The following MAP3K5 variants were observed in gnomAD, a reference collection of about 807,000 sequenced individuals.
MAP3K5 encodes mitogen-activated protein kinase kinase kinase 5, also known as ASK-1.
A neutral mutation model predicts 158.7 loss-of-function variants in MAP3K5; 56 were observed. That is an observed-to-expected ratio of 0.35 (90% confidence interval 0.28 to 0.44). MAP3K5 has a LOEUF of 0.44. MAP3K5 is among the 20% of genes least tolerant of loss of function. MAP3K5 has a pLI of 1.00. For missense variants in MAP3K5, 1,294 were observed against 1,674.8 expected (o/e 0.77, Z 3.97); for synonymous variants, 579 against 601.7 (o/e 0.96, Z 0.55).
In MAP3K5 at chr6:136,609,982, G is replaced by A. The variant is rs1490826148; in HGVS notation, c.2521+1300C>T. Among the ~76,000 whole-genome samples, 4 of 151,990 alleles carry A rather than the reference G, an allele frequency of 2.6e-5. No individual in the cohort carries two copies. The highest frequency in any genetic ancestry group is 5.9e-5 in the Non-Finnish European group (4 of 67,994). On this transcript the variant is annotated intron_variant, in intron 18 of 29. Transcript: ENST00000359015. The surrounding 1 kb of genome is among the most constrained non-coding windows in gnomAD (Gnocchi z 4.4). ...TGAGTTCTATCCGGTACACACTGCT[G>A]TGACTTCTGACTGCAATGTCACTTC...
chr6:136,642,357 T>C (rs1334136852), intron 12 of MAP3K5, among the ~76,000 whole-genome samples, 163 bp downstream of exon 12: 1 of 152,166 alleles, frequency 6.6e-6, no homozygotes, highest in African/African-American at 2.4e-5. Flanking sequence ...GCAAATCTCT[T>C]CCTAAAGGAG....
Position 136,660,634 on chromosome 6 carries a change from A to T in MAP3K5, c.1367-1256T>A, listed in dbSNP as rs575035602. On this transcript the variant is annotated intron_variant, in intron 8 of 29. Coordinates refer to ENST00000359015, the MANE Select transcript of MAP3K5 (RefSeq NM_005923.4). ...TTATAAGTATTTGTTTGCTTAAAAA[A>T]ATATATCCTTGTAGCATTGTTTGGT... Among the ~76,000 whole-genome samples, 5 of 152,354 alleles carry T rather than the reference A, an allele frequency of 3.3e-5. No individual in the cohort carries two copies. In the East Asian group the frequency reaches 7.7e-4, roughly 24 times the overall value.
At chr6:136,760,702 G>A (rs867374698) in intron 1 of MAP3K5, among the ~76,000 whole-genome samples, 2 of 152,214 alleles carry the variant, frequency 1.3e-5, no homozygotes, top group African/African-American at 4.8e-5. Context: ...AGGCACTGTG[G>A]CTCACGCCTG....
At chr6:136,560,077 C>CAAATT (rs57967649) in intron 28 of MAP3K5, among the ~76,000 whole-genome samples, 31,198 of 151,892 alleles carry the variant, frequency 0.21, 3,735 homozygotes, top group East Asian at 0.37. Context: ...AAATATAAAA[C>CAAATT]AAAACAATAT....
chr6:136,744,021 T>C (rs1782825879), intron 1 of MAP3K5, among the ~76,000 whole-genome samples: 1 of 152,134 alleles, frequency 6.6e-6, no homozygotes, highest in African/African-American at 2.4e-5. Context: ...GAGGGATGAA[T>C]AGGCAGAGAA....
chr6:136,683,091 C>T (rs1408206420), intron 7 of MAP3K5, among the ~76,000 whole-genome samples: 2 of 152,128 alleles, frequency 1.3e-5, no homozygotes, highest in East Asian at 3.9e-4. Context: ...GATGTATTAA[C>T]ACCAAGGATA....
chr6:136,649,358 G>T (rs1038284907), intron 11 of MAP3K5, among the ~76,000 whole-genome samples: 1 of 152,176 alleles, frequency 6.6e-6, no homozygotes, highest in Non-Finnish European at 1.5e-5. Context: ...GCATCCCCAG[G>T]AACCAGCTTA....
intron 1 of MAP3K5, among the ~76,000 whole-genome samples, chr6:136,757,617 C>T (rs1270658336): frequency 2.4e-4 from 28 of 115,268 alleles, no homozygotes; most frequent in South Asian, 2.4e-3. Flanking sequence ...GACGGAGTTT[C>T]GCTCTTGCTG....
chr6:136,719,605 T>C (rs1781667579), intron 2 of MAP3K5, among the ~76,000 whole-genome samples: 1 of 152,244 alleles, frequency 6.6e-6, no homozygotes, highest in East Asian at 1.9e-4. Flanking sequence ...ACTGACTTTT[T>C]TGCATGAAAT....
At chr6:136,559,113 G>T (rs1352002160) in intron 28 of MAP3K5, among the ~76,000 whole-genome samples, 1 of 152,232 alleles carries the variant, frequency 6.6e-6, no homozygotes, top group Non-Finnish European at 1.5e-5. Flanking sequence ...CACTTTAGGA[G>T]GCTGAGGCAG....
At chr6:136,737,558 G>C (rs559540169) in intron 1 of MAP3K5, among the ~76,000 whole-genome samples, 28 of 152,274 alleles carry the variant, frequency 1.8e-4, no homozygotes, top group African/African-American at 6.3e-4. Flanking sequence ...GTCCCTCCAA[G>C]GAGCCCTTTG....
intron 26 of MAP3K5, among the ~76,000 whole-genome samples, chr6:136,563,190 C>A (rs1830594558): frequency 6.6e-6 from 1 of 152,072 alleles, no homozygotes; most frequent in African/African-American, 2.4e-5. Context: ...GAATTCAAAA[C>A]CTCCACCACA....
chr6:136,698,643 T>C lies in MAP3K5; in HGVS notation c.652A>G (p.Thr218Ala), dbSNP rs1780711540. 6.2e-7 allele frequency: 1 copy of C among 1,613,730 alleles called. No homozygotes were observed. The highest frequency in any genetic ancestry group is 8.5e-7 in the Non-Finnish European group (1 of 1,179,924). ...CAGCAGTAGACTTTGTTATGTGGAG[T>C]TATCATGTAAGGAACAAAGGTGTAG... ...GNYTFVPYMI[T>A]PHNKVYCCDS... Residue 218 changes from threonine (T) to alanine (A), a missense_variant, in exon 4 of 30, where the codon ACT becomes GCT. By Grantham distance (58) the Thr-to-Ala change is moderately conservative (BLOSUM62 0). Transcript: ENST00000359015.
At chr6:136,761,796 G>A (rs896478667) in intron 1 of MAP3K5, among the ~76,000 whole-genome samples, 1 of 152,168 alleles carries the variant, frequency 6.6e-6, no homozygotes, top group Non-Finnish European at 1.5e-5. Flanking sequence ...GCAGGAAACT[G>A]CACTGATCAG....
At chr6:136,746,878 C>A (rs1378597444) in intron 1 of MAP3K5, among the ~76,000 whole-genome samples, 4 of 152,230 alleles carry the variant, frequency 2.6e-5, no homozygotes, top group Non-Finnish European at 5.9e-5. Flanking sequence ...TATTCAAATT[C>A]TTTAAAAATG....
chr6:136,608,457 C>T (rs977344947), intron 18 of MAP3K5, among the ~76,000 whole-genome samples: 8 of 152,186 alleles, frequency 5.3e-5, no homozygotes, highest in South Asian at 2.1e-4. Context: ...TGGTGAGAAC[C>T]GGCCCAATGT....
At chr6:136,690,866 C>A (rs1780354153) in intron 7 of MAP3K5, among the ~76,000 whole-genome samples, 1 of 152,036 alleles carries the variant, frequency 6.6e-6, no homozygotes, top group Non-Finnish European at 1.5e-5. Flanking sequence ...TTTAACATTT[C>A]TTGTAGTGAA....
intron 25 of MAP3K5, among the ~76,000 whole-genome samples, chr6:136,576,986 G>T (rs1338347287): frequency 2.0e-5 from 3 of 151,860 alleles, no homozygotes; most frequent in Non-Finnish European, 2.9e-5. Flanking sequence ...CTGCCATCTA[G>T]GTTTGTGTAA....
At chr6:136,674,388 T>C (rs1011476976) in intron 7 of MAP3K5, among the ~76,000 whole-genome samples, 7 of 151,958 alleles carry the variant, frequency 4.6e-5, no homozygotes, top group African/African-American at 1.4e-4. Context: ...AAATACAAAA[T>C]GTAAGGTAGA....
Sources: allele counts gnomAD v4.1 joint callset (sites outside exome capture counted in the v4.1 genomes callset), GRCh38; gene constraint gnomAD v4.1.1; non-coding constraint Gnocchi (gnomAD v3.1); transcripts MANE v1.5; gene names NCBI Gene and HGNC (gene_info 2026-07-23, HGNC 2026-07-21).